ARHGAP15: variants seen among roughly 807,000 people sequenced by gnomAD.
The protein encoded by ARHGAP15 is Rho GTPase activating protein 15.
Under a neutral mutation model 63.7 loss-of-function variants are expected in ARHGAP15, and 51 were observed. That is an observed-to-expected ratio of 0.80 (90% confidence interval 0.64 to 1.01). ARHGAP15 has a LOEUF of 1.01. Among genes scored for constraint, ARHGAP15 ranks in the 50% least tolerant of loss-of-function variants. The pLI is 0.00. For missense variants in ARHGAP15, 560 were observed against 564.6 expected, an observed-to-expected ratio of 0.99 and a Z score of 0.08; for synonymous variants, 191 against 193.8, an observed-to-expected ratio of 0.99 and a Z score of 0.12.
intron 8 of ARHGAP15, among the ~76,000 whole-genome samples, chr2:143,456,770 G>T (rs1312307331): frequency 2.0e-5 from 3 of 151,658 alleles, no homozygotes; most frequent in East Asian, 3.9e-4. Context: ...TTTGTAACTT[G>T]CCTTTAAGTT....
intron 6 of ARHGAP15, among the ~76,000 whole-genome samples, chr2:143,338,153 AAG>A (rs1684891693): frequency 2.0e-5 from 3 of 152,208 alleles, no homozygotes; most frequent in South Asian, 4.1e-4. Flanking sequence ...GAGCCTTTAG[AAG>A]AGATAACTTA....
chr2:143,461,135 T>C (rs549071662), intron 8 of ARHGAP15, among the ~76,000 whole-genome samples: 16 of 151,248 alleles, frequency 1.1e-4, no homozygotes, highest in Admixed American at 8.6e-4. Context: ...ACTAAAAATA[T>C]AAAAATTAGC....
chr2:143,207,070 AT>A (rs1574091050), intron 3 of ARHGAP15, among the ~76,000 whole-genome samples: 1 of 151,636 alleles, frequency 6.6e-6, no homozygotes, highest in African/African-American at 2.4e-5. Context: ...TTTTTATATA[AT>A]TTTTAATTGT....
intron 10 of ARHGAP15, among the ~76,000 whole-genome samples, chr2:143,555,802 T>G (rs1476061859): frequency 6.6e-6 from 1 of 152,018 alleles, no homozygotes; most frequent in African/African-American, 2.4e-5. Flanking sequence ...GAATTTTTAC[T>G]CTTTAGTTTC....
At chr2:143,518,061 A>T (rs886299635) in intron 9 of ARHGAP15, among the ~76,000 whole-genome samples, 5 of 152,222 alleles carry the variant, frequency 3.3e-5, no homozygotes, top group Admixed American at 6.5e-5. Flanking sequence ...TAATAAACAG[A>T]TACTATCTCA....
chr2:143,431,806 G>A (rs904492075), intron 6 of ARHGAP15, among the ~76,000 whole-genome samples: 5 of 152,002 alleles, frequency 3.3e-5, no homozygotes, highest in Non-Finnish European at 5.9e-5. Flanking sequence ...ATGATTAGTA[G>A]GATGTTCTGT....
Position 143,547,955 on chromosome 2 carries a change from T to C in ARHGAP15, c.926-8453T>C, listed in dbSNP as rs1695400902. ...CCCCAAACTCTATTGTCACTGAACT[T>C]TTCAAGGCATAAATGATACAATGTA... On this transcript the variant is annotated intron_variant, in intron 10 of 13. Coordinates refer to ENST00000295095, the MANE Select transcript of ARHGAP15 (RefSeq NM_018460.4). 1.3e-5 allele frequency among the ~76,000 whole-genome samples: 2 copies of C among 152,012 alleles called. 1 individual carries two copies. Among genetic ancestry groups the C allele is most frequent in the South Asian group, 4.1e-4 (2 of 4,826 alleles).
intron 1 of ARHGAP15, among the ~76,000 whole-genome samples, chr2:143,149,119 TTATC>T (rs955175044): frequency 6.6e-6 from 1 of 151,990 alleles, no homozygotes; most frequent in African/African-American, 2.4e-5. Context: ...GAAATACTAT[TTATC>T]TGTGGAGTTG....
chr2:143,281,108 C>T (rs962821005), intron 6 of ARHGAP15, among the ~76,000 whole-genome samples: 2 of 152,044 alleles, frequency 1.3e-5, no homozygotes, highest in African/African-American at 4.8e-5. Flanking sequence ...AACAAAGATT[C>T]CAGTCACTTT....
intron 11 of ARHGAP15, among the ~76,000 whole-genome samples, chr2:143,614,885 A>G (rs563207879): frequency 1.8e-4 from 28 of 152,360 alleles, no homozygotes; most frequent in Admixed American, 7.2e-4. Context: ...AACTATCGGC[A>G]GAGACCGGGA....
chr2:143,591,922 G>A lies in ARHGAP15; in HGVS notation c.1004-32211G>A, dbSNP rs530735642. Among the ~76,000 whole-genome samples, 8 of 84,594 alleles carry A rather than the reference G, an allele frequency of 9.5e-5. No individual in the cohort carries two copies. The South Asian group carries it at 1.8e-3, about 20-fold the overall frequency. The allele number at this position is 84,594 out of a possible 152,430, so 55.5% of individuals were successfully genotyped here. A position where few individuals can be genotyped will look rare whatever the true frequency, so the allele number is the denominator to read the frequency against. ...GGTGTGAGCCACTGCACCTGGCTGG[G>A]ATAAGATTTTTATAACTCTATTTTG... is the stretch of plus-strand genomic sequence containing the variant. On this transcript the variant is annotated intron_variant, in intron 11 of 13. Coordinates refer to ENST00000295095, the MANE Select transcript of ARHGAP15 (RefSeq NM_018460.4).
At chr2:143,493,180 TC>T (rs1198547706) in intron 9 of ARHGAP15, among the ~76,000 whole-genome samples, 1 of 152,138 alleles carries the variant, frequency 6.6e-6, no homozygotes, top group Non-Finnish European at 1.5e-5. Flanking sequence ...ATATCACAAC[TC>T]CCGTGACTCT....
intron 6 of ARHGAP15, among the ~76,000 whole-genome samples, chr2:143,433,450 C>G (rs566767830): frequency 6.6e-6 from 1 of 152,208 alleles, no homozygotes; most frequent in East Asian, 1.9e-4. Context: ...ATATAGCTCT[C>G]TGATCTAGCT....
intron 6 of ARHGAP15, among the ~76,000 whole-genome samples, chr2:143,317,520 G>A (rs1310701705): frequency 3.9e-5 from 6 of 152,226 alleles, no homozygotes; most frequent in African/African-American, 1.4e-4. Context: ...AGGTGATATA[G>A]TGATGACATT....
chr2:143,478,320 C>G (rs1434926560), intron 8 of ARHGAP15, among the ~76,000 whole-genome samples: 1 of 152,166 alleles, frequency 6.6e-6, no homozygotes, highest in Non-Finnish European at 1.5e-5. Flanking sequence ...CTTTTTCTCT[C>G]TCAGCCGTAC....
chr2:143,723,720 G>A (rs1488154613), intron 13 of ARHGAP15, among the ~76,000 whole-genome samples: 3 of 152,154 alleles, frequency 2.0e-5, no homozygotes, highest in Admixed American at 6.5e-5. Context: ...CAGGTTAAAA[G>A]GGGGAGTCAG....
chr2:143,284,654 A>G (rs913420635), intron 6 of ARHGAP15, among the ~76,000 whole-genome samples: 3 of 152,236 alleles, frequency 2.0e-5, no homozygotes, highest in African/African-American at 7.2e-5. Context: ...GTTCTGAAAA[A>G]TAGGCTAAAC....
chr2:143,262,968 G>C (rs1680803883), intron 6 of ARHGAP15, among the ~76,000 whole-genome samples: 1 of 152,084 alleles, frequency 6.6e-6, no homozygotes, highest in Non-Finnish European at 1.5e-5. Flanking sequence ...TTGGTCCTTA[G>C]ACCCACATAT....
intron 2 of ARHGAP15, among the ~76,000 whole-genome samples, chr2:143,174,716 A>G (rs1009221073): frequency 6.6e-6 from 1 of 152,150 alleles, no homozygotes; most frequent in Non-Finnish European, 1.5e-5. Context: ...TTTACTTGTT[A>G]AAAGAATTGG....
Sources: gnomAD v4.1 joint callset for allele counts (sites outside exome capture counted in the v4.1 genomes callset) on GRCh38, gnomAD v4.1.1 for gene constraint, MANE v1.5 for transcripts, NCBI Gene and HGNC (gene_info 2026-07-23, HGNC 2026-07-21) for gene names.